Variants in KDM6A observed in about 807,000 individuals in gnomAD.
The protein encoded by KDM6A is lysine demethylase 6A, also known as lysine-specific demethylase 6A.
In KDM6A, 11 loss-of-function variants were observed where a neutral mutation model predicts 117.6. The observed-to-expected ratio is 0.09, with a 90% CI of 0.06 to 0.15. The LOEUF is 0.15. Among genes scored for constraint, KDM6A ranks in the 10% least tolerant of loss-of-function variants. KDM6A has a pLI of 1.00. For synonymous variants in KDM6A, 384 were observed against 396.1 expected (o/e 0.97, Z 0.36); for missense variants, 799 against 1,077.3 (o/e 0.74, Z 3.62).
intron 3 of KDM6A, among the ~76,000 whole-genome samples, chrX:44,967,868 A>G (rs1244259666): frequency 8.9e-6 from 1 of 112,467 alleles, no homozygotes; most frequent in Non-Finnish European, 1.9e-5. Context: ...CTGGCTGGTG[A>G]TATGAATGAA....
At position 45,110,141 on chromosome X, in the gene KDM6A, A is replaced by G. The variant is rs770905741; in HGVS notation, c.4224A>G (p.Val1408=). 1 of 1,210,481 alleles carries G rather than the reference A, an allele frequency of 8.3e-7. No individual in the cohort carries two copies. Among genetic ancestry groups the G allele is most frequent in the Non-Finnish European group, 1.1e-6 (1 of 894,186 alleles). ...GTAATTCACGAAAGACCTACATAGT[A>G]CATTGCCAAGATTGTGCACGAAAAA... The part of the protein sequence containing the change: ...NESNSRKTYI[V]HCQDCARKTS... The change falls in exon 29 of 30, where the codon GTA becomes GTG. Residue 1408 remains valine (V), a synonymous_variant. Transcript: ENST00000611820.
chrX:44,965,664 A>G (rs187743286), intron 3 of KDM6A, among the ~76,000 whole-genome samples: 1 of 111,982 alleles, frequency 8.9e-6, no homozygotes, highest in Admixed American at 9.5e-5. Context: ...ATTCCCCAAA[A>G]CAATTACAGT....
intron 2 of KDM6A, among the ~76,000 whole-genome samples, chrX:44,900,148 A>G (rs1234619624): frequency 8.9e-6 from 1 of 112,433 alleles, no homozygotes; most frequent in Non-Finnish European, 1.9e-5. Flanking sequence ...TTAGTTTCCT[A>G]TGCCAAATAT....
At chrX:44,945,036 A>G (rs1326095561) in intron 2 of KDM6A, among the ~76,000 whole-genome samples, 1 of 111,685 alleles carries the variant, frequency 9.0e-6, no homozygotes, top group Non-Finnish European at 1.9e-5. Context: ...GTATATCTGA[A>G]AAAGTATACT....
At chrX:44,956,718 A>G (rs1405871874) in intron 2 of KDM6A, among the ~76,000 whole-genome samples, 1 of 111,980 alleles carries the variant, frequency 8.9e-6, no homozygotes, top group Non-Finnish European at 1.9e-5. Context: ...CCAAATAGCC[A>G]TATTTCATGG....
At chrX:44,980,386 G>A (rs138771126) in intron 4 of KDM6A, among the ~76,000 whole-genome samples, 1,985 of 110,914 alleles carry the variant, frequency 0.018, 26 homozygotes, top group Non-Finnish European at 0.026. Flanking sequence ...GTATAATTCA[G>A]TATAATTCTG....
intron 2 of KDM6A, among the ~76,000 whole-genome samples, chrX:44,934,030 GTTTACTTTAAATAAT>G (rs1383809072): frequency 4.4e-5 from 5 of 112,567 alleles, no homozygotes; most frequent in Non-Finnish European, 9.4e-5. Context: ...TAAGATGTCT[GTTTACTTTAAATAAT>G]TTCCCTAATG....
intron 2 of KDM6A, among the ~76,000 whole-genome samples, chrX:44,874,770 G>C (rs1431384180): frequency 5.8e-5 from 6 of 102,971 alleles, no homozygotes; most frequent in Non-Finnish European, 1.2e-4. Flanking sequence ...CAGGGTGGGA[G>C]GAGAAAGTGA....
chrX:45,098,160 G>C (rs2046189096), intron 27 of KDM6A, among the ~76,000 whole-genome samples: 1 of 112,229 alleles, frequency 8.9e-6, no homozygotes, highest in Non-Finnish European at 1.9e-5. Context: ...GTTCATATTA[G>C]CTGAAGATAG....
chrX:45,020,483 T>A (rs2042129897), intron 5 of KDM6A, 127 bp from the exon 6 acceptor site: 1 of 716,823 alleles, frequency 1.4e-6, no homozygotes, highest in Non-Finnish European at 2.1e-6. Context: ...TTTATTAACA[T>A]CATTTTTATA....
chrX:44,960,644 G>T (rs1052417466), intron 2 of KDM6A, among the ~76,000 whole-genome samples: 3 of 111,682 alleles, frequency 2.7e-5, no homozygotes, highest in Non-Finnish European at 5.7e-5. Context: ...AATTTATATT[G>T]TTAAAATAGT....
intron 10 of KDM6A, among the ~76,000 whole-genome samples, chrX:45,056,783 G>T (rs965328574): frequency 1.8e-5 from 2 of 111,651 alleles, no homozygotes; most frequent in African/African-American, 3.3e-5. Flanking sequence ...CTTTGACTTT[G>T]TAGGAATGGA....
chrX:44,929,332 C>T (rs753155613), intron 2 of KDM6A, among the ~76,000 whole-genome samples: 5 of 108,945 alleles, frequency 4.6e-5, no homozygotes, highest in Non-Finnish European at 9.5e-5. Context: ...TTCTCTCTGC[C>T]ATTCTCAAGC....
Position 44,873,611 on chromosome X carries a change from T to C in KDM6A, c.60T>C (p.Asp20=), listed in dbSNP as rs1239808864. ...TAAAAAAAFG[D]EEKKMAAGKA... ...CCGCTGCCGCCGCCGCTTTCGGTGA[T>C]GAGGAAAAGAAAATGGCGGCGGGAA... The change falls in exon 1 of 30, where the codon GAT becomes GAC. Residue 20 remains aspartate, a synonymous_variant. Coordinates refer to ENST00000611820, the MANE Select transcript of KDM6A (RefSeq NM_001291415.2). 6 of 1,204,530 alleles carry C rather than the reference T, an allele frequency of 5.0e-6. No homozygotes were observed. Among genetic ancestry groups the C allele is most frequent in the Non-Finnish European group, 5.6e-6 (5 of 892,074 alleles).
intron 2 of KDM6A, among the ~76,000 whole-genome samples, chrX:44,938,751 C>T (rs779542975): frequency 8.9e-6 from 1 of 112,286 alleles, no homozygotes; most frequent in East Asian, 2.8e-4. Context: ...CAAGGGACAG[C>T]CTGACTCATT....
intron 5 of KDM6A, among the ~76,000 whole-genome samples, chrX:45,016,208 C>G (rs768061813): frequency 9.0e-6 from 1 of 111,342 alleles, no homozygotes; most frequent in African/African-American, 3.3e-5. Context: ...CTTTTAAAAT[C>G]TTACCTACCT....
chrX:44,966,970 C>T (rs1207250347), intron 3 of KDM6A, among the ~76,000 whole-genome samples: 8 of 106,266 alleles, frequency 7.5e-5, no homozygotes, highest in East Asian at 3.0e-4. Context: ...CCCGGGTTCA[C>T]GCCATTCTCC....
At chrX:45,026,630 CA>C (rs1332743303) in intron 6 of KDM6A, among the ~76,000 whole-genome samples, 1 of 103,177 alleles carries the variant, frequency 9.7e-6, no homozygotes, top group Admixed American at 1.1e-4. Context: ...AGTTCGTGAA[CA>C]GCCTGGCCAA....
chrX:44,963,190 G>A (rs1378766388), intron 3 of KDM6A, among the ~76,000 whole-genome samples: 2 of 110,992 alleles, frequency 1.8e-5, no homozygotes, highest in East Asian at 2.8e-4. Context: ...GGCCAGGCAC[G>A]GTGGCTCACG....
Sources: allele counts gnomAD v4.1 joint callset (sites outside exome capture counted in the v4.1 genomes callset), GRCh38; gene constraint gnomAD v4.1.1; transcripts MANE v1.5; gene names NCBI Gene and HGNC (gene_info 2026-07-23, HGNC 2026-07-21).